PGR: variants seen among roughly 807,000 people sequenced by gnomAD.
PGR encodes progesterone receptor.
A neutral mutation model predicts 76.1 loss-of-function variants in PGR; 25 were observed. The observed-to-expected ratio is 0.33, with a 90% CI of 0.24 to 0.46. The LOEUF (loss-of-function observed/expected upper bound fraction) is 0.46, where lower values mean the gene tolerates loss of function less well. Ranked by LOEUF, PGR falls within the 20% of genes least tolerant of loss-of-function variation. The pLI is 1.00. For synonymous variants in PGR, 579 were observed against 535.0 expected (o/e 1.08, Z -1.14); for missense variants, 1,172 against 1,225.3 (o/e 0.96, Z 0.65).
In PGR at chr11:101,030,622, T is replaced by G. The variant is rs1859320897; in HGVS notation, c.*8494A>C. The G allele has an allele frequency of 4.6e-6, 1 of 218,212 alleles. No individual in the cohort carries two copies. Among genetic ancestry groups the G allele is most frequent in the Non-Finnish European group, 9.2e-6 (1 of 108,542 alleles). The allele number at this position is 218,212 out of a possible 1,614,324, so 13.5% of individuals were successfully genotyped here. A position where few individuals can be genotyped will look rare whatever the true frequency, so the allele number is the denominator to read the frequency against. On this transcript the variant is annotated 3_prime_UTR_variant, in exon 8 of 8. Coordinates refer to ENST00000325455, the MANE Select transcript of PGR (RefSeq NM_000926.4). ...GGCAGGCATATTGCTCTGAGGAGAA[T>G]TGGAATTGTTATAGCGGAAATGTTC...
In PGR at chr11:101,097,807, C is replaced by T. The variant is rs1281454637; in HGVS notation, c.1790-5931G>A. ...TTTTTTTTTTTTTTGAGCGGAGTCT[C>T]GCTCCGTCGCTCAGGCTGGAGTGCG... On this transcript the variant is annotated intron_variant, in intron 2 of 7. Coordinates refer to ENST00000325455, the MANE Select transcript of PGR (RefSeq NM_000926.4). Among the ~76,000 whole-genome samples, 8 of 142,370 alleles carry T rather than the reference C, an allele frequency of 5.6e-5. No homozygotes were observed. In the East Asian group the frequency reaches 6.3e-4, roughly 11 times the overall value. The allele number at this position is 142,370 out of a possible 152,430, so 93.4% of individuals were successfully genotyped here.
intron 1 of PGR, 147 bp from the exon 2 acceptor site, chr11:101,126,305 T>C: frequency 1.3e-6 from 1 of 749,442 alleles, no homozygotes; most frequent in South Asian, 1.5e-5. Context: ...CAAACTAAAC[T>C]TGGTAATAGA....
intron 3 of PGR, among the ~76,000 whole-genome samples, chr11:101,078,369 T>C (rs1459449470): frequency 6.6e-6 from 1 of 152,244 alleles, no homozygotes; most frequent in African/African-American, 2.4e-5. Flanking sequence ...CATTCTTTTA[T>C]GTAGAAAGCG....
rs1859604731 is a variant in PGR at position 101,038,993 on chromosome 11, C to T, written c.*123G>A. ...TCACAATTTTTCTTTTAAATTTACA[C>T]ACTATGATGTTATAAATGTAAGGCT... On this transcript the variant is annotated 3_prime_UTR_variant, in exon 8 of 8. Coordinates refer to ENST00000325455, the MANE Select transcript of PGR (RefSeq NM_000926.4). 1.5e-6 allele frequency: 1 copy of T among 656,234 alleles called. No individual in the cohort carries two copies. The highest frequency in any genetic ancestry group is 1.8e-5 in the African/African-American group (1 of 54,466). The allele number at this position is 656,234 out of a possible 1,614,324, so 40.7% of individuals were successfully genotyped here.
chr11:101,070,268 C>T (rs571176349), intron 3 of PGR, among the ~76,000 whole-genome samples: 2 of 152,284 alleles, frequency 1.3e-5, no homozygotes, highest in South Asian at 2.1e-4. Context: ...AGTGACTGTG[C>T]TGTAAGGAAC....
chr11:101,063,749 C>T (rs1210288294), intron 3 of PGR: 2 of 152,292 alleles, frequency 1.3e-5, no homozygotes, highest in African/African-American at 2.4e-5. Context: ...CCCATAGATA[C>T]ATTTTGTTTG....
At chr11:101,097,695 T>C (rs1861876201) in intron 2 of PGR, among the ~76,000 whole-genome samples, 1 of 152,212 alleles carries the variant, frequency 6.6e-6, no homozygotes, top group African/African-American at 2.4e-5. Flanking sequence ...CAGAATGCTT[T>C]TTATTCAGTA....
Position 101,031,731 on chromosome 11 carries a change from A to G in PGR, c.*7385T>C, listed in dbSNP as rs1859359791. ...AATGTAGGCTTTTAAATGGGCTTTG[A>G]TGGAACTTGGTTCCATAGAAGGAAT... On this transcript the variant is annotated 3_prime_UTR_variant, in exon 8 of 8. Coordinates refer to ENST00000325455, the MANE Select transcript of PGR (RefSeq NM_000926.4). 4.4e-6 allele frequency: 1 copy of G among 226,392 alleles called. No homozygotes were observed. Among genetic ancestry groups the G allele is most frequent in the South Asian group, 1.8e-4 (1 of 5,460 alleles). 14.0% of individuals were successfully genotyped at this position (226,392 alleles called of 1,614,324 possible).
intron 2 of PGR, among the ~76,000 whole-genome samples, chr11:101,116,633 G>A (rs992455772): frequency 6.6e-6 from 1 of 151,566 alleles, no homozygotes; most frequent in African/African-American, 2.4e-5. Context: ...CCAGCTATTC[G>A]GGAGGCTGAG....
intron 2 of PGR, among the ~76,000 whole-genome samples, chr11:101,106,745 A>G (rs765505563): frequency 1.3e-5 from 2 of 152,186 alleles, no homozygotes; most frequent in Non-Finnish European, 2.9e-5. Flanking sequence ...AAATCATTCT[A>G]CTATAAAGAC....
At chr11:101,111,225 C>T (rs566580930) in intron 2 of PGR, among the ~76,000 whole-genome samples, 12 of 152,152 alleles carry the variant, frequency 7.9e-5, no homozygotes, top group Non-Finnish European at 1.3e-4. Flanking sequence ...AGTCTCCAAC[C>T]TCCCTCCCTA....
intron 2 of PGR, among the ~76,000 whole-genome samples, chr11:101,095,173 T>C (rs1018642292): frequency 6.6e-6 from 1 of 152,232 alleles, no homozygotes; most frequent in African/African-American, 2.4e-5. Flanking sequence ...AATATTTAAG[T>C]TAATGTATTT....
intron 3 of PGR, among the ~76,000 whole-genome samples, chr11:101,077,006 A>G (rs1861152147): frequency 8.4e-6 from 1 of 118,352 alleles, no homozygotes; most frequent in Admixed American, 1.0e-4. Flanking sequence ...TTTCTTTGCT[A>G]CCTTGGTCAA....
rs11571254 is a variant in PGR, at chr11:101,041,823, CTT to C, written c.2646+120_2646+121del. On this transcript the variant is annotated intron_variant, in intron 7 of 7. Coordinates refer to ENST00000325455, the MANE Select transcript of PGR (RefSeq NM_000926.4). Reference sequence around the variant, plus strand: ...AAGTCTGAGCAGCATGATCCAAACACTTTTAACATACAAGTATTAATCTGAGA... The same window carrying C: ...AAGTCTGAGCAGCATGATCCAAACACTTAACATACAAGTATTAATCTGAGA... 3,983 of 863,198 alleles carry C rather than the reference CTT, an allele frequency of 4.6e-3. 96 individuals carry two copies. The African/African-American group carries it at 0.06, about 13-fold the overall frequency. 53.5% of individuals were successfully genotyped at this position (863,198 alleles called of 1,614,324 possible).
intron 3 of PGR, among the ~76,000 whole-genome samples, chr11:101,086,092 G>A (rs1486386837): frequency 3.9e-5 from 6 of 152,022 alleles, no homozygotes; most frequent in South Asian, 2.1e-4. Context: ...TCCCTAACTC[G>A]TTTTCTGAAG....
chr11:101,118,453 A>C (rs1234824276), intron 2 of PGR, among the ~76,000 whole-genome samples: 1 of 152,232 alleles, frequency 6.6e-6, no homozygotes, highest in East Asian at 1.9e-4. Flanking sequence ...GTTATAGAAG[A>C]GTAAATAGCA....
In PGR at chr11:101,050,001, G is replaced by C. The variant is rs773336784; in HGVS notation, c.2416C>G (p.Gln806Glu). The C allele has an allele frequency of 2.5e-6, 4 of 1,612,404 alleles. No individual in the cohort carries two copies. Among genetic ancestry groups the C allele is most frequent in the Non-Finnish European group, 3.4e-6 (4 of 1,178,896 alleles). The part of the protein sequence containing the change: ...SLCLTMWQIP[Q>E]EFVKLQVSQE... ...CTAACTTGAAGCTTGACAAACTCCTGTGGGATCTGCCACATGGTAAGGCAT... is the reference window on the plus strand; with the variant it reads ...CTAACTTGAAGCTTGACAAACTCCTCTGGGATCTGCCACATGGTAAGGCAT... The change falls in exon 6 of 8, where the codon CAG becomes GAG. Residue 806 changes from glutamine to glutamate, a missense_variant. This residue lies in a region of PGR where 166 missense variants were observed against 296.0 expected (regional missense o/e 0.56). Coordinates refer to ENST00000325455, the MANE Select transcript of PGR (RefSeq NM_000926.4).
intron 2 of PGR, among the ~76,000 whole-genome samples, chr11:101,094,450 G>A (rs368291420): frequency 6.6e-5 from 10 of 152,156 alleles, no homozygotes; most frequent in African/African-American, 2.2e-4. Flanking sequence ...TGTCTTTCCA[G>A]CACTTCCTTT....
At chr11:101,094,615 A>AACTC (rs1861778717) in intron 2 of PGR, among the ~76,000 whole-genome samples, 1 of 152,232 alleles carries the variant, frequency 6.6e-6, no homozygotes. Context: ...AGGTACCTCA[A>AACTC]ACTCAATATA....
Sources: gnomAD v4.1 joint callset for allele counts (sites outside exome capture counted in the v4.1 genomes callset) on GRCh38, gnomAD v4.1.1 for gene constraint, gnomAD v4.1.1 regional missense constraint, MANE v1.5 for transcripts, NCBI Gene and HGNC (gene_info 2026-07-23, HGNC 2026-07-21) for gene names.